Variants in ZNF644 observed in about 807,000 individuals in gnomAD.
ZNF644 encodes zinc finger protein 644.
In ZNF644, 20 loss-of-function variants were observed where a neutral mutation model predicts 108.0. The ratio of observed to expected loss-of-function variants is 0.19; its 90% CI spans 0.13 to 0.27. The LOEUF (loss-of-function observed/expected upper bound fraction) is 0.27. ZNF644 is among the 10% of genes least tolerant of loss of function. The pLI, the probability that ZNF644 is intolerant of heterozygous loss-of-function variation, is 1.00. For synonymous variants in ZNF644, 542 were observed against 539.1 expected, an observed-to-expected ratio of 1.01 and a Z score of -0.08; for missense variants, 1,338 against 1,548.9, an observed-to-expected ratio of 0.86 and a Z score of 2.29.
chr1:90,928,048 G>A (rs1011685033), intron 4 of ZNF644, among the ~76,000 whole-genome samples: 7 of 151,512 alleles, frequency 4.6e-5, no homozygotes, highest in African/African-American at 1.7e-4. Flanking sequence ...GTTTCACCAT[G>A]TTGGCCAGGC....
At chr1:90,969,644 C>T (rs934295051) in intron 2 of ZNF644, among the ~76,000 whole-genome samples, 1 of 152,238 alleles carries the variant, frequency 6.6e-6, no homozygotes, top group Non-Finnish European at 1.5e-5. Flanking sequence ...ATCTATTAGC[C>T]ATCTTAGTTA....
At chr1:90,949,491 A>C (rs1483576492) in intron 2 of ZNF644, among the ~76,000 whole-genome samples, 1 of 152,176 alleles carries the variant, frequency 6.6e-6, no homozygotes, top group East Asian at 1.9e-4. Flanking sequence ...TTGAAACAAA[A>C]TATATTAGTG....
intron 4 of ZNF644, among the ~76,000 whole-genome samples, chr1:90,919,522 G>A (rs1570323718): frequency 1.3e-5 from 2 of 152,226 alleles, no homozygotes; most frequent in East Asian, 1.9e-4. Context: ...AAATCTCATT[G>A]AAGCCACTGG....
intron 1 of ZNF644, among the ~76,000 whole-genome samples, chr1:90,987,246 GTTTT>G (rs55996875): frequency 0.014 from 1,685 of 121,114 alleles, 38 homozygotes; most frequent in African/African-American, 0.049. Flanking sequence ...CCTAGAGTTG[GTTTT>G]TTTTTTTTTT....
At chr1:90,981,412 C>G (rs532874122) in intron 2 of ZNF644, among the ~76,000 whole-genome samples, 1 of 151,978 alleles carries the variant, frequency 6.6e-6, no homozygotes, top group Non-Finnish European at 1.5e-5. Flanking sequence ...CAAAACATGC[C>G]CAAACCACTG....
chr1:90,926,425 C>G (rs546761775), intron 4 of ZNF644, among the ~76,000 whole-genome samples: 4 of 152,260 alleles, frequency 2.6e-5, no homozygotes, highest in African/African-American at 9.6e-5. Flanking sequence ...CACCCTTCCT[C>G]CTTTGAAGGG....
At chr1:90,917,998 G>A in intron 5 of ZNF644, 54 bp downstream of exon 5, 2 of 1,435,396 alleles carry the variant, frequency 1.4e-6, no homozygotes, top group Non-Finnish European at 2.0e-6. Context: ...TAGCTAATAT[G>A]TTTCAAAGCA....
At chr1:90,917,139 C>T in intron 5 of ZNF644, 149 bp from the exon 6 acceptor site, 1 of 790,666 alleles carries the variant, frequency 1.3e-6, no homozygotes, top group Non-Finnish European at 2.0e-6. Flanking sequence ...TTTAATAAAA[C>T]ATCAAAACTC....
Position 90,993,592 on chromosome 1 carries a change from G to C in ZNF644, c.-17-11222C>G, listed in dbSNP as rs146215058. On this transcript the variant is annotated intron_variant, in intron 1 of 5. Coordinates refer to ENST00000337393, the MANE Select transcript of ZNF644 (RefSeq NM_201269.3). ...CCATAATAAGTTTTTCTTAGCCCTA[G>C]GAGTTATTTTATATTGACATTTGAT... Among the ~76,000 whole-genome samples, 1,161 of 152,238 alleles carry C rather than the reference G, an allele frequency of 7.6e-3. 2 individuals carry two copies. The highest frequency in any genetic ancestry group is 0.012 in the Non-Finnish European group (847 of 67,998).
intron 1 of ZNF644, among the ~76,000 whole-genome samples, chr1:90,996,737 TG>T (rs1658183597): frequency 1.3e-5 from 2 of 152,188 alleles, no homozygotes; most frequent in South Asian, 4.1e-4. Flanking sequence ...GCTATGACCA[TG>T]CCACTGCACT....
At chr1:90,993,443 C>T (rs556345412) in intron 1 of ZNF644, among the ~76,000 whole-genome samples, 3 of 152,214 alleles carry the variant, frequency 2.0e-5, no homozygotes, top group Admixed American at 1.3e-4. Context: ...AGACCAGAAA[C>T]GCCACCTGGC....
At position 90,916,851 on chromosome 1, in the gene ZNF644, C is replaced by A; in HGVS notation, c.3931G>T (p.Ala1311Ser). The A allele has an allele frequency of 6.2e-7, 1 of 1,614,164 alleles. No individual in the cohort carries two copies. Among genetic ancestry groups the A allele is most frequent in the East Asian group, 2.2e-5 (1 of 44,876 alleles). ...VEVTSLLKKPASITETSFSLL... is the reference protein window; with the variant it reads ...VEVTSLLKKPSSITETSFSLL... ...GAAAATGAAGTTTCTGTAATGGAGG[C>A]AGGCTTTTTAAGTAGTGACGTGACT... Residue 1311 changes from alanine to serine, a missense_variant, in exon 6 of 6, where the codon GCC (alanine) becomes TCC (serine). By Grantham distance (99) the Ala-to-Ser change is moderately conservative. Coordinates refer to ENST00000337393, the MANE Select transcript of ZNF644 (RefSeq NM_201269.3).
intron 1 of ZNF644, among the ~76,000 whole-genome samples, chr1:90,990,831 A>C (rs1657566008): frequency 1.3e-5 from 2 of 152,194 alleles, no homozygotes; most frequent in South Asian, 4.1e-4. Context: ...CCAGACAAAA[A>C]GGAGTCTTGC....
intron 1 of ZNF644, among the ~76,000 whole-genome samples, chr1:91,008,177 C>G (rs558234716): frequency 6.6e-6 from 1 of 152,310 alleles, no homozygotes; most frequent in East Asian, 1.9e-4. Flanking sequence ...TGCCCTTAAC[C>G]TGAACTATGC....
chr1:91,016,363 TCAAA>T (rs112487024), intron 1 of ZNF644, among the ~76,000 whole-genome samples: 11 of 152,334 alleles, frequency 7.2e-5, no homozygotes, highest in African/African-American at 2.6e-4. Flanking sequence ...CAAAGTGTAC[TCAAA>T]CAAACCTAGA....
intron 2 of ZNF644, among the ~76,000 whole-genome samples, chr1:90,942,055 G>A (rs145496095): frequency 1.6e-3 from 243 of 151,958 alleles, no homozygotes; most frequent in African/African-American, 5.6e-3. Flanking sequence ...TTAGTAAAGC[G>A]AATTTTAACT....
At chr1:91,015,957 C>T (rs1660396192) in intron 1 of ZNF644, among the ~76,000 whole-genome samples, 3 of 152,184 alleles carry the variant, frequency 2.0e-5, no homozygotes, top group African/African-American at 7.2e-5. Flanking sequence ...CAACCCTAAA[C>T]CTCTTTGAAG....
Position 90,996,073 on chromosome 1 carries a change from C to T in ZNF644, c.-17-13703G>A, listed in dbSNP as rs544063999. Among the ~76,000 whole-genome samples, 5 of 152,204 alleles carry T rather than the reference C, an allele frequency of 3.3e-5. No homozygotes were observed. In the East Asian group the frequency reaches 9.6e-4, roughly 29 times the overall value. On this transcript the variant is annotated intron_variant, in intron 1 of 5. Coordinates refer to ENST00000337393, the MANE Select transcript of ZNF644 (RefSeq NM_201269.3). ...AAAGACACACAAAACATTTATAAAA[C>T]CTGGCAATACATATATTAAAAGGTA... is the stretch of plus-strand genomic sequence containing the variant.
chr1:90,976,598 G>T (rs542287860), intron 2 of ZNF644, among the ~76,000 whole-genome samples: 98 of 152,252 alleles, frequency 6.4e-4, no homozygotes, highest in African/African-American at 2.2e-3. Context: ...TTCAGATTTG[G>T]ATAGAAACTT....
Sources: gnomAD v4.1 joint callset for allele counts (sites outside exome capture counted in the v4.1 genomes callset) on GRCh38, gnomAD v4.1.1 for gene constraint, MANE v1.5 for transcripts, NCBI Gene and HGNC (gene_info 2026-07-23, HGNC 2026-07-21) for gene names.